Variants in CIMAP1D observed in about 807,000 individuals in gnomAD.
CIMAP1D encodes the protein protein CIMAP1D.
the CIMAP1D span, among the ~76,000 whole-genome samples, chr19:466,040 G>A: frequency 6.7e-6 from 1 of 148,344 alleles, no homozygotes. Flanking sequence ...ATGGGTGGGT[G>A]GATGGGTGGG....
At chr19:490,546 G>T in the CIMAP1D span, among the ~76,000 whole-genome samples, 1 of 152,254 alleles carries the variant, frequency 6.6e-6, no homozygotes, top group African/African-American at 2.4e-5. Context: ...AATTCTCACA[G>T]GAAATATTCA....
the CIMAP1D span, among the ~76,000 whole-genome samples, chr19:482,807 C>T: frequency 6.6e-6 from 1 of 152,182 alleles, no homozygotes; most frequent in African/African-American, 2.4e-5. Context: ...ACCTGCCAGT[C>T]TGAATGTCAC....
the CIMAP1D span, among the ~76,000 whole-genome samples, chr19:488,009 A>G: frequency 6.6e-6 from 1 of 151,942 alleles, no homozygotes; most frequent in Non-Finnish European, 1.5e-5. Flanking sequence ...GCCCCCAGTC[A>G]CGTACCCCCT....
chr19:484,297 C>T, the CIMAP1D span, among the ~76,000 whole-genome samples: 23,602 of 151,872 alleles, frequency 0.16, 3,833 homozygotes, highest in African/African-American at 0.4. Flanking sequence ...TGCGCCACCA[C>T]GCCCGGCTAA....
chr19:474,561 C>T, the CIMAP1D span: 19 of 1,407,812 alleles, frequency 1.3e-5, no homozygotes, highest in South Asian at 3.0e-4. Context: ...CCAGAAGCCC[C>T]AGAAGTATGG....
the CIMAP1D span, among the ~76,000 whole-genome samples, chr19:474,380 C>A: frequency 6.6e-6 from 1 of 152,222 alleles, no homozygotes; most frequent in Admixed American, 6.5e-5. Flanking sequence ...ACCCACAGCC[C>A]CTGGAAGGGG....
the CIMAP1D span, chr19:464,139 G>GT: frequency 8.6e-6 from 4 of 464,800 alleles, no homozygotes; most frequent in East Asian, 1.6e-4. Context: ...CGGGGGGCGG[G>GT]CGGGGGGGGT....
chr19:465,847 G>T, the CIMAP1D span, among the ~76,000 whole-genome samples: 1 of 125,480 alleles, frequency 8.0e-6, no homozygotes, highest in African/African-American at 2.9e-5. Flanking sequence ...TGGATGTGTG[G>T]ATAGATGGAT....
chr19:463,853 G>T, the CIMAP1D span: 1 of 1,608,386 alleles, frequency 6.2e-7, no homozygotes, highest in Non-Finnish European at 8.5e-7. Flanking sequence ...CCTAGCAGCA[G>T]CGGCCGGGCA....
the CIMAP1D span, among the ~76,000 whole-genome samples, chr19:483,071 C>A: frequency 6.6e-6 from 1 of 152,156 alleles, no homozygotes. Context: ...AAGACAAGGG[C>A]ATCTGGCCCC....
the CIMAP1D span, chr19:474,729 C>A: frequency 2.6e-6 from 4 of 1,540,958 alleles, no homozygotes; most frequent in South Asian, 1.2e-5. Context: ...GGGGTGGAGT[C>A]GCAGCTGAGG....
chr19:467,596 G>T, the CIMAP1D span: 1 of 1,150,290 alleles, frequency 8.7e-7, no homozygotes, highest in Non-Finnish European at 1.3e-6. Flanking sequence ...CAGGAGAGTC[G>T]CTGAGACCCT....
chr19:490,533 C>T, the CIMAP1D span, among the ~76,000 whole-genome samples: 14 of 152,380 alleles, frequency 9.2e-5, no homozygotes, highest in African/African-American at 2.9e-4. Context: ...GTGTCCACTT[C>T]CTAATTCTCA....
At chr19:486,942 G>C in the CIMAP1D span, among the ~76,000 whole-genome samples, 3 of 151,940 alleles carry the variant, frequency 2.0e-5, no homozygotes, top group Non-Finnish European at 4.4e-5. Flanking sequence ...AATAGAGATG[G>C]GGTTTCACCA....
chr19:472,130 G>A, the CIMAP1D span, among the ~76,000 whole-genome samples: 3 of 152,178 alleles, frequency 2.0e-5, no homozygotes, highest in Admixed American at 6.5e-5. Context: ...TTGCAAACAC[G>A]GTAAGGCAGG....
chr19:463,408 T>G, the CIMAP1D span: 2 of 205,538 alleles, frequency 9.7e-6, no homozygotes, highest in Non-Finnish European at 1.9e-5. Context: ...GAAGGTGGAG[T>G]GGGAAAGGCA....
At chr19:463,897 C>A in the CIMAP1D span, 1,659 of 1,611,162 alleles carry the variant, frequency 1.0e-3, 11 homozygotes, top group African/African-American at 0.019. Flanking sequence ...GGCGTGGTGG[C>A]GGCCATGGTG....
the CIMAP1D span, among the ~76,000 whole-genome samples, chr19:472,026 G>A: frequency 6.6e-6 from 1 of 152,210 alleles, no homozygotes; most frequent in Non-Finnish European, 1.5e-5. Context: ...GATTTCAGGC[G>A]TGAGCCACCG....
At chr19:484,656 G>C in the CIMAP1D span, among the ~76,000 whole-genome samples, 1 of 152,200 alleles carries the variant, frequency 6.6e-6, no homozygotes, top group African/African-American at 2.4e-5. Flanking sequence ...TGTCTGGGGA[G>C]GGCACCGCTG....
Sources: allele counts gnomAD v4.1 joint callset (sites outside exome capture counted in the v4.1 genomes callset), GRCh38; gene constraint gnomAD v4.1.1; transcripts MANE v1.5; gene names NCBI Gene and HGNC (gene_info 2026-07-23, HGNC 2026-07-21).